Variants in PHACTR1 observed in about 807,000 individuals in gnomAD.
PHACTR1 encodes RPEL repeat containing 1.
A neutral mutation model predicts 69.2 loss-of-function variants in PHACTR1; 16 were observed. The ratio of observed to expected loss-of-function variants is 0.23; its 90% CI spans 0.16 to 0.35. The LOEUF (loss-of-function observed/expected upper bound fraction) is 0.35, where lower values mean the gene tolerates loss of function less well. PHACTR1 is among the 10% of genes least tolerant of loss of function. The pLI is 1.00. For missense variants in PHACTR1, 510 were observed against 734.7 expected (o/e 0.69, Z 3.54); for synonymous variants, 312 against 284.5 (o/e 1.10, Z -0.97).
intron 10 of PHACTR1, among the ~76,000 whole-genome samples, chr6:13,240,005 G>T (rs1395548303): frequency 6.6e-6 from 1 of 151,606 alleles, no homozygotes; most frequent in Admixed American, 6.6e-5. Context: ...CTTTTACCCA[G>T]TGGGAACACA....
chr6:13,053,966 G>A (rs1326556405), intron 5 of PHACTR1, among the ~76,000 whole-genome samples: 2 of 151,348 alleles, frequency 1.3e-5, no homozygotes, highest in Non-Finnish European at 2.9e-5. Context: ...CCTTGAATAA[G>A]TGATTCTTGG....
intron 4 of PHACTR1, among the ~76,000 whole-genome samples, chr6:12,953,583 A>G (rs1392682160): frequency 2.0e-5 from 3 of 152,230 alleles, no homozygotes. Flanking sequence ...TGACCTAAAA[A>G]CACTGGCTGA....
At position 12,845,705 on chromosome 6, in the gene PHACTR1, A is replaced by G. The variant is rs76486620; in HGVS notation, c.250+95915A>G. Among the ~76,000 whole-genome samples the G allele has an allele frequency of 6.8e-3, 1,036 of 152,276 alleles. 16 individuals carry two copies. The highest frequency in any genetic ancestry group is 0.024 in the African/African-American group (988 of 41,554). ...TCTGAGTGCCAGAATTCTGTGCTTT[A>G]TTAAGTTCCTTTTGTGGGCTCTGAT... On this transcript the variant is annotated intron_variant, in intron 4 of 14. Coordinates refer to ENST00000332995, the MANE Select transcript of PHACTR1 (RefSeq NM_030948.6).
intron 4 of PHACTR1, among the ~76,000 whole-genome samples, chr6:13,024,140 T>C (rs1352148384): frequency 2.6e-5 from 4 of 151,954 alleles, no homozygotes; most frequent in African/African-American, 9.7e-5. Flanking sequence ...GTTTGAATTA[T>C]TGAGAGATGC....
At position 13,280,894 on chromosome 6, in the gene PHACTR1, TTC is replaced by T. The variant is rs1348933992; in HGVS notation, c.1510-2526_1510-2525del. 2.4e-6 allele frequency: 3 copies of T among 1,224,524 alleles called. No individual in the cohort carries two copies. The Admixed American group carries it at 6.9e-5, about 28-fold the overall frequency. 75.9% of individuals were successfully genotyped at this position (1,224,524 alleles called of 1,614,324 possible). A position where few individuals can be genotyped will look rare whatever the true frequency, so the allele number is the denominator to read the frequency against. On this transcript the variant is annotated intron_variant, in intron 12 of 14. Coordinates refer to ENST00000332995, the MANE Select transcript of PHACTR1 (RefSeq NM_030948.6). ...GCCAGCACCAGGCCAAAGGTGCGTC[TTC>T]TGAGCCTTTCGTGGTCAGGGACATG... is the stretch of plus-strand genomic sequence containing the variant.
chr6:12,961,129 G>A (rs961001109), intron 4 of PHACTR1, among the ~76,000 whole-genome samples: 12 of 152,036 alleles, frequency 7.9e-5, no homozygotes, highest in Non-Finnish European at 1.8e-4. Flanking sequence ...AAACTAACTG[G>A]ATAAAAAAAT....
chr6:13,147,618 G>C (rs1823611252), intron 5 of PHACTR1, among the ~76,000 whole-genome samples: 1 of 152,146 alleles, frequency 6.6e-6, no homozygotes, highest in Non-Finnish European at 1.5e-5. Flanking sequence ...GAAATGACCA[G>C]GAAAAGACTT....
intron 5 of PHACTR1, among the ~76,000 whole-genome samples, chr6:13,099,780 C>G (rs964934041): frequency 6.6e-6 from 1 of 152,180 alleles, no homozygotes; most frequent in Non-Finnish European, 1.5e-5. Context: ...TCAGCTTTCT[C>G]TTTACCAAGA....
intron 5 of PHACTR1, among the ~76,000 whole-genome samples, chr6:13,083,858 G>T (rs1004116136): frequency 2.0e-5 from 3 of 151,970 alleles, no homozygotes; most frequent in South Asian, 2.1e-4. Flanking sequence ...GAGATGATGG[G>T]GTTTTCTAAA....
At chr6:12,948,161 CT>C (rs1262464781) in intron 4 of PHACTR1, among the ~76,000 whole-genome samples, 1 of 152,180 alleles carries the variant, frequency 6.6e-6, no homozygotes, top group African/African-American at 2.4e-5. Flanking sequence ...CTAGGGTAAT[CT>C]GGCCAGTAGG....
At chr6:13,032,667 A>G (rs1802623356) in intron 4 of PHACTR1, among the ~76,000 whole-genome samples, 1 of 151,906 alleles carries the variant, frequency 6.6e-6, no homozygotes, top group Admixed American at 6.6e-5. Flanking sequence ...GCCAGGCTGG[A>G]ATGCAGTGGC....
chr6:12,726,605 T>A (rs1255461282), intron 3 of PHACTR1, among the ~76,000 whole-genome samples: 2 of 152,146 alleles, frequency 1.3e-5, no homozygotes, highest in East Asian at 1.9e-4. Flanking sequence ...CTGGCCATGG[T>A]GTTTTAGGAG....
intron 4 of PHACTR1, among the ~76,000 whole-genome samples, chr6:12,783,136 G>C (rs751336901): frequency 3.9e-5 from 6 of 152,292 alleles, no homozygotes; most frequent in Non-Finnish European, 4.4e-5. Context: ...TGCTTTGCTT[G>C]TATATGACTT....
intron 4 of PHACTR1, among the ~76,000 whole-genome samples, chr6:12,975,999 G>T (rs557840394): frequency 6.6e-6 from 1 of 152,182 alleles, no homozygotes; most frequent in Non-Finnish European, 1.5e-5. Context: ...TATATGGGGC[G>T]GGAGGAATGG....
At chr6:12,772,908 G>A (rs927450464) in intron 4 of PHACTR1, among the ~76,000 whole-genome samples, 2 of 152,162 alleles carry the variant, frequency 1.3e-5, no homozygotes, top group African/African-American at 4.8e-5. Flanking sequence ...AGTGATTACA[G>A]ATCATAACAA....
chr6:12,824,896 G>A (rs1776625245), intron 4 of PHACTR1, among the ~76,000 whole-genome samples: 1 of 152,188 alleles, frequency 6.6e-6, no homozygotes. Context: ...CCACCACAGT[G>A]ACCTTGGGCA....
intron 4 of PHACTR1, among the ~76,000 whole-genome samples, chr6:12,806,043 C>A (rs1774290512): frequency 6.6e-6 from 1 of 152,156 alleles, no homozygotes; most frequent in Admixed American, 6.5e-5. Context: ...GTCTCCTACC[C>A]CTTTTTCCCA....
intron 3 of PHACTR1, among the ~76,000 whole-genome samples, chr6:12,724,153 C>T (rs1055767807): frequency 1.3e-5 from 2 of 151,960 alleles, no homozygotes; most frequent in African/African-American, 4.8e-5. Context: ...CATGGTGAAA[C>T]CTGTCCCTAC....
chr6:12,781,258 T>C (rs1770782529), intron 4 of PHACTR1, among the ~76,000 whole-genome samples: 1 of 152,164 alleles, frequency 6.6e-6, no homozygotes, highest in South Asian at 2.1e-4. Context: ...TGATTCTGGC[T>C]TCACTGTGAG....
Sources: allele counts gnomAD v4.1 joint callset (sites outside exome capture counted in the v4.1 genomes callset), GRCh38; gene constraint gnomAD v4.1.1; transcripts MANE v1.5; gene names NCBI Gene and HGNC (gene_info 2026-07-23, HGNC 2026-07-21).